SPAG16: variants seen among roughly 807,000 people sequenced by gnomAD.
SPAG16 encodes the protein sperm associated antigen 16, also known as sperm-associated antigen 16 protein.
SPAG16 carries 86 observed loss-of-function variants against 80.4 expected under a neutral mutation model. The ratio of observed to expected loss-of-function variants is 1.07; its 90% CI spans 0.90 to 1.28. SPAG16 has a LOEUF of 1.28. SPAG16 is among the 50% of genes most tolerant of loss of function. The pLI, the probability that SPAG16 is intolerant of heterozygous loss-of-function variation, is 0.00. For synonymous variants in SPAG16, 294 were observed against 265.9 expected, an observed-to-expected ratio of 1.11 and a Z score of -1.03; for missense variants, 870 against 765.3, an observed-to-expected ratio of 1.14 and a Z score of -1.61.
In SPAG16 at chr2:213,725,034, C is replaced by CT. The variant is rs1336640515; in HGVS notation, c.1071-137440dup. The stretch of plus-strand genomic sequence containing the variant: ...TCCAAAACCAAATAAGACTCTGCTC[C>CT]TTTTTTTTTTTCTTTGAGGCATAGC... On this transcript the variant is annotated intron_variant, in intron 10 of 15. Transcript: ENST00000331683. 3.4e-3 allele frequency among the ~76,000 whole-genome samples: 496 copies of CT among 146,846 alleles called. 3 individuals are homozygous for CT. Among genetic ancestry groups the CT allele is most frequent in the African/African-American group, 0.01 (417 of 40,192 alleles).
intron 12 of SPAG16, among the ~76,000 whole-genome samples, chr2:213,981,579 A>G (rs1463481007): frequency 6.6e-6 from 1 of 152,120 alleles, no homozygotes; most frequent in Admixed American, 6.6e-5. Context: ...CACTCATTAA[A>G]GAGATTAATA....
chr2:213,923,527 T>G (rs1315613293), intron 11 of SPAG16, among the ~76,000 whole-genome samples: 3 of 152,132 alleles, frequency 2.0e-5, no homozygotes, highest in Non-Finnish European at 4.4e-5. Flanking sequence ...CTTGTGCTCC[T>G]CAGCTGAGTT....
chr2:214,230,312 C>T (rs1232402823), intron 15 of SPAG16, among the ~76,000 whole-genome samples: 1 of 151,854 alleles, frequency 6.6e-6, no homozygotes, highest in Non-Finnish European at 1.5e-5. Flanking sequence ...ACTTTCTAAC[C>T]CTTTGTGAGT....
chr2:214,310,481 T>G (rs1327543846), intron 15 of SPAG16, among the ~76,000 whole-genome samples: 6 of 136,712 alleles, frequency 4.4e-5, no homozygotes, highest in Admixed American at 6.8e-5. Context: ...TTTTGTTTTG[T>G]TTTGGTTTTT....
chr2:213,409,559 T>C (rs568637743), intron 9 of SPAG16, among the ~76,000 whole-genome samples: 12 of 152,260 alleles, frequency 7.9e-5, no homozygotes, highest in African/African-American at 2.4e-4. Flanking sequence ...ACCTGCTCTT[T>C]AACAAAAATT....
chr2:214,051,161 G>T (rs1338075940), intron 13 of SPAG16, among the ~76,000 whole-genome samples: 1 of 152,172 alleles, frequency 6.6e-6, no homozygotes, highest in Non-Finnish European at 1.5e-5. Flanking sequence ...CCTACACCCA[G>T]AAGTTACCCT....
At chr2:213,523,671 A>G (rs1369412761) in intron 10 of SPAG16, among the ~76,000 whole-genome samples, 3 of 152,224 alleles carry the variant, frequency 2.0e-5, no homozygotes, top group Non-Finnish European at 2.9e-5. Context: ...TAGTGATACA[A>G]ACAATGAAGT....
intron 10 of SPAG16, among the ~76,000 whole-genome samples, chr2:213,621,838 G>A (rs2061798511): frequency 6.6e-6 from 1 of 152,176 alleles, no homozygotes; most frequent in Non-Finnish European, 1.5e-5. Flanking sequence ...TGTCTAGAGA[G>A]TTGCTAAAAA....
At chr2:213,635,690 T>C (rs1318033786) in intron 10 of SPAG16, among the ~76,000 whole-genome samples, 1 of 152,190 alleles carries the variant, frequency 6.6e-6, no homozygotes, top group Non-Finnish European at 1.5e-5. Flanking sequence ...TTTTTATAAT[T>C]GTGATTATGA....
At chr2:213,653,272 T>C (rs1224793360) in intron 10 of SPAG16, among the ~76,000 whole-genome samples, 2 of 152,206 alleles carry the variant, frequency 1.3e-5, no homozygotes, top group African/African-American at 4.8e-5. Flanking sequence ...TTCTTCCTTA[T>C]CCTAATAGTA....
intron 15 of SPAG16, among the ~76,000 whole-genome samples, chr2:214,186,247 A>G (rs1342493361): frequency 6.6e-6 from 1 of 152,154 alleles, no homozygotes; most frequent in Non-Finnish European, 1.5e-5. Flanking sequence ...GAGGAGTCTC[A>G]TAGCTCACAG....
chr2:213,564,990 C>T (rs2059713520), intron 10 of SPAG16, among the ~76,000 whole-genome samples: 1 of 152,156 alleles, frequency 6.6e-6, no homozygotes, highest in Admixed American at 6.6e-5. Context: ...AATTGAAAAA[C>T]TTACTGGTTG....
chr2:213,639,258 T>C (rs1440501435), intron 10 of SPAG16, among the ~76,000 whole-genome samples: 1 of 152,238 alleles, frequency 6.6e-6, no homozygotes, highest in African/African-American at 2.4e-5. Flanking sequence ...TATTGAGATA[T>C]GAGGTACTAT....
chr2:213,689,113 C>T (rs760799953), intron 10 of SPAG16, among the ~76,000 whole-genome samples: 59 of 152,130 alleles, frequency 3.9e-4, no homozygotes, highest in Non-Finnish European at 6.6e-4. Context: ...GCTCCTGCCA[C>T]GGTGCCTGGT....
intron 11 of SPAG16, among the ~76,000 whole-genome samples, chr2:213,915,231 C>A (rs147646209): frequency 0.032 from 4,800 of 151,960 alleles, 139 homozygotes; most frequent in Non-Finnish European, 0.041. Context: ...CTGCACCCAT[C>A]AACCCATCAT....
At chr2:213,609,993 G>A (rs1044621421) in intron 10 of SPAG16, among the ~76,000 whole-genome samples, 31 of 152,110 alleles carry the variant, frequency 2.0e-4, no homozygotes, top group Middle Eastern at 3.4e-3. Context: ...GGTTGGCTAA[G>A]GCTCCTGGCT....
At chr2:214,214,946 A>C (rs1473140744) in intron 15 of SPAG16, among the ~76,000 whole-genome samples, 2 of 151,682 alleles carry the variant, frequency 1.3e-5, no homozygotes, top group Non-Finnish European at 2.9e-5. Context: ...GGTTCATTAC[A>C]TTTATGGCAA....
At chr2:213,773,622 T>G (rs1048762630) in intron 10 of SPAG16, among the ~76,000 whole-genome samples, 1 of 152,194 alleles carries the variant, frequency 6.6e-6, no homozygotes, top group Non-Finnish European at 1.5e-5. Context: ...TGGCATGATC[T>G]CGGCTTACTG....
chr2:213,385,792 C>CCACACACACACACACA (rs55899353), intron 9 of SPAG16, among the ~76,000 whole-genome samples: 2 of 149,332 alleles, frequency 1.3e-5, no homozygotes, highest in Non-Finnish European at 3.0e-5. Context: ...TCATCTCTGT[C>CCACACACACACACACA]CACACACACA....
Sources: gnomAD v4.1 joint callset for allele counts (sites outside exome capture counted in the v4.1 genomes callset) on GRCh38, gnomAD v4.1.1 for gene constraint, MANE v1.5 for transcripts, NCBI Gene and HGNC (gene_info 2026-07-23, HGNC 2026-07-21) for gene names.